The following MAPRE2 variants were observed in gnomAD, a reference collection of about 807,000 sequenced individuals.
The protein encoded by MAPRE2 is microtubule-associated protein RP/EB family member 2.
In MAPRE2, 13 loss-of-function variants were observed where a neutral mutation model predicts 43.2. That is an observed-to-expected ratio of 0.30 (90% confidence interval 0.20 to 0.48). The LOEUF is 0.48. Ranked by LOEUF, MAPRE2 falls within the 20% of genes least tolerant of loss-of-function variation. MAPRE2 has a pLI of 0.99. For missense variants in MAPRE2, 161 were observed against 400.2 expected (o/e 0.40, Z 5.10); for synonymous variants, 135 against 148.8 (o/e 0.91, Z 0.68).
chr18:35,029,155 TG>T (rs5823962), intron 2 of MAPRE2, among the ~76,000 whole-genome samples: 55,945 of 152,070 alleles, frequency 0.37, 12,739 homozygotes, highest in African/African-American at 0.64. Flanking sequence ...ACATTTCTGA[TG>T]GGAAACTTAG....
chr18:35,079,339 T>G (rs922399083), intron 2 of MAPRE2, among the ~76,000 whole-genome samples: 1 of 152,214 alleles, frequency 6.6e-6, no homozygotes, highest in Non-Finnish European at 1.5e-5. Flanking sequence ...TATCACTGTT[T>G]TCCATGTATT....
intron 1 of MAPRE2, among the ~76,000 whole-genome samples, chr18:34,998,772 A>ATTTTTTTTTTTTTTTTTTTTTTTTTTT (rs67933808): frequency 1.1e-5 from 1 of 93,726 alleles, no homozygotes; most frequent in African/African-American, 5.0e-5. Flanking sequence ...CGAAGTTGCA[A>ATTTTTTTTTTTTTTTTTTTTTTTTTTT]TTTTTTTTTT....
chr18:35,059,104 ATTAG>A (rs1906387929), intron 1 of MAPRE2, among the ~76,000 whole-genome samples: 1 of 152,228 alleles, frequency 6.6e-6, no homozygotes, highest in Non-Finnish European at 1.5e-5. Flanking sequence ...TTCAATAAAT[ATTAG>A]TTATTGTAAC....
intron 2 of MAPRE2, among the ~76,000 whole-genome samples, chr18:35,090,998 T>TA (rs1892688242): frequency 6.6e-6 from 1 of 152,088 alleles, no homozygotes; most frequent in Non-Finnish European, 1.5e-5. Flanking sequence ...AGAATAAACT[T>TA]AGCGAAGGAG....
At chr18:34,985,944 A>G (rs1040932446) in intron 1 of MAPRE2, among the ~76,000 whole-genome samples, 3 of 151,610 alleles carry the variant, frequency 2.0e-5, no homozygotes, top group Non-Finnish European at 4.4e-5. Flanking sequence ...GGCTTACTAT[A>G]TTTTTACTAG....
chr18:35,102,559 G>T (rs1908727180), intron 4 of MAPRE2, among the ~76,000 whole-genome samples: 1 of 152,114 alleles, frequency 6.6e-6, no homozygotes, highest in South Asian at 2.1e-4. Context: ...GTTAAATATG[G>T]ATCATCGTCT....
chr18:35,138,180 GC>G (rs369488650), intron 6 of MAPRE2, among the ~76,000 whole-genome samples: 7 of 152,306 alleles, frequency 4.6e-5, no homozygotes, highest in African/African-American at 1.7e-4. Flanking sequence ...CTGCTGTGAT[GC>G]CCAGGGGTCT....
At chr18:34,997,276 A>AGG (rs2097026965) in intron 1 of MAPRE2, among the ~76,000 whole-genome samples, 1 of 152,196 alleles carries the variant, frequency 6.6e-6, no homozygotes, top group Admixed American at 6.5e-5. Context: ...TTTATGGACA[A>AGG]AATCTTATTC....
At chr18:35,114,222 C>T (rs1189599545) in intron 4 of MAPRE2, among the ~76,000 whole-genome samples, 1 of 152,206 alleles carries the variant, frequency 6.6e-6, no homozygotes, top group Non-Finnish European at 1.5e-5. Context: ...CCTCCCCACA[C>T]TATGCTGAAC....
At chr18:35,133,495 T>C (rs1265641701) in intron 6 of MAPRE2, among the ~76,000 whole-genome samples, 2 of 152,184 alleles carry the variant, frequency 1.3e-5, no homozygotes, top group Non-Finnish European at 2.9e-5. Flanking sequence ...CTGTAAGCAC[T>C]AGATGGACTA....
intron 1 of MAPRE2, among the ~76,000 whole-genome samples, chr18:35,053,662 G>A (rs1906066729): frequency 6.6e-6 from 1 of 152,132 alleles, no homozygotes; most frequent in Non-Finnish European, 1.5e-5. Flanking sequence ...TAAGAGGAAA[G>A]TGTGCATAGA....
At chr18:34,998,910 G>A (rs1184724472) in intron 1 of MAPRE2, among the ~76,000 whole-genome samples, 2 of 148,720 alleles carry the variant, frequency 1.3e-5, no homozygotes, top group African/African-American at 5.0e-5. Context: ...GATACCCAAT[G>A]TCTTTTCAGC....
chr18:35,089,349 C>G (rs529553123), intron 2 of MAPRE2, among the ~76,000 whole-genome samples: 1 of 151,940 alleles, frequency 6.6e-6, no homozygotes, highest in Non-Finnish European at 1.5e-5. Flanking sequence ...TCAAATGATA[C>G]CATCAAGAAA....
At chr18:35,070,374 G>A (rs983155660) in intron 2 of MAPRE2, 52 bp downstream of exon 2, 3 of 1,480,594 alleles carry the variant, frequency 2.0e-6, no homozygotes, top group Admixed American at 2.2e-5. Flanking sequence ...TCTGTCATGT[G>A]GAATGTGATT....
chr18:34,996,958 T>C (rs1418739360), intron 1 of MAPRE2, among the ~76,000 whole-genome samples: 9 of 152,194 alleles, frequency 5.9e-5, no homozygotes, highest in Non-Finnish European at 1.0e-4. Flanking sequence ...TGTGATCTCA[T>C]GCAAGAAACA....
intron 1 of MAPRE2, among the ~76,000 whole-genome samples, chr18:34,980,031 C>CTT (rs796434537): frequency 0.04 from 1,834 of 45,628 alleles, 57 homozygotes; most frequent in East Asian, 0.12. Flanking sequence ...TTCTTTTTTT[C>CTT]TTTTTTTTTT....
In MAPRE2 at chr18:35,137,710, C is replaced by T. The variant is rs187286345; in HGVS notation, c.910-2585C>T. ...AACTCACCGTGGAGGGCTCAGAGCC[C>T]GGCTGGAGAGACAGATGTGTAGCCA... On this transcript the variant is annotated intron_variant, in intron 6 of 6. Coordinates refer to ENST00000300249, the MANE Select transcript of MAPRE2 (RefSeq NM_014268.4). Among the ~76,000 whole-genome samples, 223 of 152,292 alleles carry T rather than the reference C, an allele frequency of 1.5e-3. 1 individual carries two copies. Among genetic ancestry groups the T allele is most frequent in the Admixed American group, 9.2e-3 (141 of 15,292 alleles).
intron 1 of MAPRE2, among the ~76,000 whole-genome samples, chr18:35,001,513 CAAAAA>C (rs57415569): frequency 2.9e-5 from 4 of 137,188 alleles, no homozygotes; most frequent in Non-Finnish European, 4.7e-5. Context: ...GACTTTGTCT[CAAAAA>C]AAAAAAAAAA....
At chr18:35,021,049 G>C (rs1469647183) in intron 2 of MAPRE2, among the ~76,000 whole-genome samples, 1 of 152,130 alleles carries the variant, frequency 6.6e-6, no homozygotes, top group East Asian at 1.9e-4. Context: ...GTAGATGAAA[G>C]GAAAAAGGAC....
Sources: gnomAD v4.1 joint callset for allele counts (sites outside exome capture counted in the v4.1 genomes callset) on GRCh38, gnomAD v4.1.1 for gene constraint, MANE v1.5 for transcripts, NCBI Gene and HGNC (gene_info 2026-07-23, HGNC 2026-07-21) for gene names.